PABPC4L: variants seen among roughly 807,000 people sequenced by gnomAD.
PABPC4L encodes polyadenylate-binding protein 4-like.
For missense variants in PABPC4L, 452 were observed against 451.4 expected (o/e 1.00, Z -0.01); for synonymous variants, 169 against 164.1 (o/e 1.03, Z -0.23).
chr4:134,153,291 G>C, the PABPC4L span, among the ~76,000 whole-genome samples: 1 of 151,884 alleles, frequency 6.6e-6, no homozygotes, highest in African/African-American at 2.4e-5. Flanking sequence ...TAGTGTTTTA[G>C]TTTGCCGAGT....
the PABPC4L span, among the ~76,000 whole-genome samples, chr4:134,017,899 C>T: frequency 1.3e-5 from 2 of 151,992 alleles, no homozygotes; most frequent in African/African-American, 4.8e-5. Flanking sequence ...CCATACCACC[C>T]CCCAAAATTT....
the PABPC4L span, among the ~76,000 whole-genome samples, chr4:134,159,164 G>A: frequency 6.6e-6 from 1 of 152,132 alleles, no homozygotes; most frequent in South Asian, 2.1e-4. Context: ...GTGCACTACT[G>A]TAGACTTTAG....
At chr4:134,056,565 A>C in the PABPC4L span, among the ~76,000 whole-genome samples, 9 of 152,048 alleles carry the variant, frequency 5.9e-5, no homozygotes, top group East Asian at 1.7e-3. Context: ...GGTTAGAATT[A>C]TACCTAAATA....
At chr4:134,151,551 T>C in the PABPC4L span, among the ~76,000 whole-genome samples, 2 of 152,062 alleles carry the variant, frequency 1.3e-5, no homozygotes, top group African/African-American at 4.8e-5. Flanking sequence ...TATAAAGTCA[T>C]TTATATCCTA....
the PABPC4L span, among the ~76,000 whole-genome samples, chr4:134,185,217 T>A: frequency 6.6e-6 from 1 of 151,424 alleles, no homozygotes; most frequent in Non-Finnish European, 1.5e-5. Context: ...AATAGTCATG[T>A]CACTCTCCAC....
the PABPC4L span, among the ~76,000 whole-genome samples, chr4:134,156,565 A>G: frequency 6.6e-6 from 1 of 152,024 alleles, no homozygotes; most frequent in East Asian, 1.9e-4. Context: ...GGAAAGAGAA[A>G]CAATTAGTTT....
the PABPC4L span, among the ~76,000 whole-genome samples, chr4:133,955,857 CTTT>C: frequency 1.3e-5 from 2 of 152,116 alleles, no homozygotes; most frequent in African/African-American, 2.4e-5. Context: ...TTTATGCTCT[CTTT>C]TTATTCTGAA....
the PABPC4L span, among the ~76,000 whole-genome samples, chr4:134,159,027 A>T: frequency 6.6e-6 from 1 of 152,316 alleles, no homozygotes; most frequent in East Asian, 1.9e-4. Flanking sequence ...AAAATAGAAC[A>T]TAAAAGATAA....
the PABPC4L span, among the ~76,000 whole-genome samples, chr4:134,070,869 A>C: frequency 6.6e-6 from 1 of 152,082 alleles, no homozygotes; most frequent in Non-Finnish European, 1.5e-5. Context: ...CACAGATCAG[A>C]CTGGCCTTGT....
chr4:134,175,838 T>C, the PABPC4L span, among the ~76,000 whole-genome samples: 3 of 152,068 alleles, frequency 2.0e-5, no homozygotes, highest in Non-Finnish European at 2.9e-5. Context: ...TGCAGAGTAA[T>C]AGGCAATTGA....
the PABPC4L span, among the ~76,000 whole-genome samples, chr4:134,089,347 T>A: frequency 6.6e-6 from 1 of 152,104 alleles, no homozygotes; most frequent in African/African-American, 2.4e-5. Flanking sequence ...ATTATTGAGA[T>A]CCTCCACCAG....
the PABPC4L span, among the ~76,000 whole-genome samples, chr4:134,017,038 T>A: frequency 6.6e-6 from 1 of 152,168 alleles, no homozygotes; most frequent in Non-Finnish European, 1.5e-5. Context: ...CTGTCAGACA[T>A]AATTCCTCGG....
At chr4:134,057,294 A>C in the PABPC4L span, among the ~76,000 whole-genome samples, 2 of 152,056 alleles carry the variant, frequency 1.3e-5, no homozygotes, top group Non-Finnish European at 1.5e-5. Flanking sequence ...AATTTTTACT[A>C]TTCTACCTTC....
the PABPC4L span, among the ~76,000 whole-genome samples, chr4:134,183,756 G>T: frequency 2.0e-3 from 296 of 151,792 alleles, 4 homozygotes; most frequent in Non-Finnish European, 3.5e-4. Flanking sequence ...AGATATGCAA[G>T]AATTCTACAC....
chr4:134,130,637 C>T, the PABPC4L span, among the ~76,000 whole-genome samples: 1 of 151,956 alleles, frequency 6.6e-6, no homozygotes, highest in Non-Finnish European at 1.5e-5. Flanking sequence ...GACACTATTA[C>T]AAAACATAGA....
At chr4:133,987,771 GAC>G in the PABPC4L span, among the ~76,000 whole-genome samples, 1 of 152,062 alleles carries the variant, frequency 6.6e-6, no homozygotes, top group Non-Finnish European at 1.5e-5. Context: ...TAAGAAAAAG[GAC>G]ACACTATTAT....
the PABPC4L span, among the ~76,000 whole-genome samples, chr4:134,110,237 T>C: frequency 1.3e-5 from 2 of 152,002 alleles, no homozygotes; most frequent in African/African-American, 4.8e-5. Context: ...AATTACTGAA[T>C]AACTCTTGGA....
the PABPC4L span, among the ~76,000 whole-genome samples, chr4:134,048,582 A>C: frequency 6.6e-6 from 1 of 152,116 alleles, no homozygotes; most frequent in African/African-American, 2.4e-5. Context: ...ATTATACAAC[A>C]CTGCTGAAAA....
At chr4:133,990,819 T>A in the PABPC4L span, among the ~76,000 whole-genome samples, 9 of 152,170 alleles carry the variant, frequency 5.9e-5, no homozygotes, top group Non-Finnish European at 1.2e-4. Flanking sequence ...CGAGATAAGT[T>A]CCTTTACATT....
Sources: allele counts gnomAD v4.1 joint callset (sites outside exome capture counted in the v4.1 genomes callset), GRCh38; gene constraint gnomAD v4.1.1; transcripts MANE v1.5; gene names NCBI Gene and HGNC (gene_info 2026-07-23, HGNC 2026-07-21).